Variants in DLG2 observed in about 807,000 individuals in gnomAD.
DLG2 encodes the protein discs large MAGUK scaffold protein 2, also known as disks large homolog 2.
Under a neutral mutation model 132.5 loss-of-function variants are expected in DLG2, and 45 were observed. That is an observed-to-expected ratio of 0.34 (90% CI 0.27 to 0.44). The LOEUF is 0.44. DLG2 is among the 20% of genes least tolerant of loss of function. The pLI is 1.00. For missense variants in DLG2, 1,045 were observed against 1,196.9 expected (o/e 0.87, Z 1.87); for synonymous variants, 424 against 419.6 (o/e 1.01, Z -0.13).
chr11:84,986,541 T>C (rs2056513485), intron 6 of DLG2, among the ~76,000 whole-genome samples: 1 of 152,070 alleles, frequency 6.6e-6, no homozygotes, highest in Admixed American at 6.6e-5. Flanking sequence ...TACTAGCTAA[T>C]CGAATCCAAC....
intron 7 of DLG2, chr11:84,316,985 G>C: frequency 6.2e-7 from 1 of 1,612,786 alleles, no homozygotes; most frequent in Non-Finnish European, 8.5e-7. Flanking sequence ...CCCTGGTCCT[G>C]AGGAGGGCAT....
intron 3 of DLG2, among the ~76,000 whole-genome samples, chr11:85,465,728 C>T (rs2092767137): frequency 6.6e-6 from 1 of 152,092 alleles, no homozygotes; most frequent in African/African-American, 2.4e-5. Flanking sequence ...GGGTTGGTTC[C>T]AAGTCTTTGC....
At chr11:85,211,081 C>A (rs2082223703) in intron 4 of DLG2, among the ~76,000 whole-genome samples, 1 of 152,118 alleles carries the variant, frequency 6.6e-6, no homozygotes, top group African/African-American at 2.4e-5. Context: ...CTCATCTCTA[C>A]CTCATGAAGG....
In DLG2 at chr11:84,074,552, G is replaced by A. The variant is rs184690218; in HGVS notation, c.750-15068C>T. ...TAATTTTTTTTTTTTTTTTTGAGGT[G>A]GAGTCTTGCTCTGTCGCCCAGGCTG... On this transcript the variant is annotated intron_variant, in intron 10 of 27. Coordinates refer to ENST00000376104, the MANE Select transcript of DLG2 (RefSeq NM_001142699.3). Among the ~76,000 whole-genome samples, 1,373 of 138,032 alleles carry A rather than the reference G, an allele frequency of 9.9e-3. 21 individuals carry two copies. Among genetic ancestry groups the A allele is most frequent in the African/African-American group, 0.042 (1,294 of 30,730 alleles). The allele number at this position is 138,032 out of a possible 152,430, so 90.6% of individuals were successfully genotyped here. A position where few individuals can be genotyped will look rare whatever the true frequency, so the allele number is the denominator to read the frequency against.
intron 7 of DLG2, among the ~76,000 whole-genome samples, chr11:84,345,047 C>A (rs1454023962): frequency 6.6e-6 from 1 of 152,046 alleles, no homozygotes; most frequent in Non-Finnish European, 1.5e-5. Flanking sequence ...ATTTGAGATC[C>A]CTAACCAGAG....
intron 7 of DLG2, among the ~76,000 whole-genome samples, chr11:84,303,167 G>T (rs2098175468): frequency 6.6e-6 from 1 of 152,078 alleles, no homozygotes; most frequent in Non-Finnish European, 1.5e-5. Flanking sequence ...TTTAAAAATT[G>T]TAATTAAGTA....
At chr11:84,273,202 A>G in intron 7 of DLG2, 4 of 1,567,790 alleles carry the variant, frequency 2.6e-6, no homozygotes, top group Non-Finnish European at 3.5e-6. Context: ...AGGAAGCAAT[A>G]GTATCCCACA....
chr11:84,932,841 T>C (rs2048263885), intron 6 of DLG2, among the ~76,000 whole-genome samples: 1 of 152,200 alleles, frequency 6.6e-6, no homozygotes, highest in Admixed American at 6.6e-5. Context: ...TGTGTCTTTA[T>C]AGTAGAATGA....
chr11:84,298,689 T>C (rs2098119854), intron 7 of DLG2, among the ~76,000 whole-genome samples: 1 of 152,128 alleles, frequency 6.6e-6, no homozygotes, highest in South Asian at 2.1e-4. Context: ...CACAGAGAAA[T>C]GAAGCCCTCA....
intron 3 of DLG2, among the ~76,000 whole-genome samples, chr11:85,431,324 C>A (rs1820870008): frequency 6.6e-6 from 1 of 152,220 alleles, no homozygotes; most frequent in South Asian, 2.1e-4. Flanking sequence ...ACAGGGGAGC[C>A]CCCACCCCCA....
intron 27 of DLG2, 30 bp downstream of exon 27, chr11:83,461,972 C>T (rs1456893316): frequency 6.9e-7 from 1 of 1,446,346 alleles, no homozygotes. Flanking sequence ...TATCCCCTTT[C>T]TCACACTACC....
intron 6 of DLG2, among the ~76,000 whole-genome samples, chr11:84,684,850 G>A (rs187339058): frequency 4.3e-4 from 66 of 152,246 alleles, no homozygotes; most frequent in African/African-American, 1.5e-3. Flanking sequence ...TCCACTTAAC[G>A]TAATTATAAT....
intron 7 of DLG2, among the ~76,000 whole-genome samples, chr11:84,442,813 T>C (rs1043034486): frequency 2.0e-5 from 3 of 152,148 alleles, no homozygotes; most frequent in Non-Finnish European, 4.4e-5. Flanking sequence ...ATTTATATGA[T>C]ATAAACTCAC....
At chr11:85,616,222 C>A (rs1414648810) in intron 2 of DLG2, among the ~76,000 whole-genome samples, 1 of 152,140 alleles carries the variant, frequency 6.6e-6, no homozygotes, top group Non-Finnish European at 1.5e-5. Context: ...GCTTCTGGTC[C>A]TAATTCCATC....
chr11:85,337,737 T>C (rs1461279954), intron 3 of DLG2, among the ~76,000 whole-genome samples: 2 of 152,218 alleles, frequency 1.3e-5, no homozygotes, highest in African/African-American at 4.8e-5. Context: ...AAAATATCTT[T>C]CGTCTACCAT....
At position 85,055,201 on chromosome 11, in the gene DLG2, T is replaced by C. The variant is rs1231347531; in HGVS notation, c.357+56460A>G. ...AATTTCTGCATTATAACTTTTCTTT[T>C]GGAATACAGATTTTTAAAATTAATG... is the stretch of plus-strand genomic sequence containing the variant. On this transcript the variant is annotated intron_variant, in intron 6 of 27. Coordinates refer to ENST00000376104, the MANE Select transcript of DLG2 (RefSeq NM_001142699.3). Among the ~76,000 whole-genome samples, 2 of 152,162 alleles carry C rather than the reference T, an allele frequency of 1.3e-5. 1 individual carries two copies. The highest frequency in any genetic ancestry group is 2.9e-5 in the Non-Finnish European group (2 of 68,024).
intron 4 of DLG2, among the ~76,000 whole-genome samples, chr11:85,242,641 A>T (rs1057151471): frequency 6.6e-6 from 1 of 151,326 alleles, no homozygotes. Flanking sequence ...TCTATTATTC[A>T]TCCCATCTGT....
intron 7 of DLG2, among the ~76,000 whole-genome samples, chr11:84,523,246 A>C (rs951512612): frequency 6.6e-6 from 1 of 152,202 alleles, no homozygotes; most frequent in Admixed American, 6.5e-5. Flanking sequence ...CAAGTACTAC[A>C]GACTTTCCAC....
chr11:84,586,295 G>A (rs949133242), intron 6 of DLG2, among the ~76,000 whole-genome samples: 2 of 152,084 alleles, frequency 1.3e-5, no homozygotes, highest in African/African-American at 4.8e-5. Context: ...TATGAAATAA[G>A]CATGTTATGA....
Sources: gnomAD v4.1 joint callset for allele counts (sites outside exome capture counted in the v4.1 genomes callset) on GRCh38, gnomAD v4.1.1 for gene constraint, MANE v1.5 for transcripts, NCBI Gene and HGNC (gene_info 2026-07-23, HGNC 2026-07-21) for gene names.